The following GRIN2B variants were observed in gnomAD, a reference collection of about 807,000 sequenced individuals.
The protein encoded by GRIN2B is glutamate receptor ionotropic, NMDA 2B.
In GRIN2B, 5 loss-of-function variants were observed where a neutral mutation model predicts 114.5. That is an observed-to-expected ratio of 0.04 (90% CI 0.02 to 0.09). GRIN2B has a LOEUF of 0.09. GRIN2B is among the 10% of genes least tolerant of loss of function. The probability of loss-of-function intolerance (pLI) is 1.00; values close to 1 mark genes in which losing one functional copy is unlikely to be tolerated. For synonymous variants in GRIN2B, 787 were observed against 745.1 expected (o/e 1.06, Z -0.92); for missense variants, 1,108 against 1,943.5 (o/e 0.57, Z 8.08).
chr12:13,871,635 A>C (rs1465700234), intron 2 of GRIN2B, among the ~76,000 whole-genome samples: 3 of 151,974 alleles, frequency 2.0e-5, no homozygotes, highest in Non-Finnish European at 4.4e-5. Flanking sequence ...TAAACAAGAA[A>C]ATAACAAATG....
At chr12:13,752,835 T>A (rs1490414654) in intron 4 of GRIN2B, among the ~76,000 whole-genome samples, 1 of 152,206 alleles carries the variant, frequency 6.6e-6, no homozygotes, top group Non-Finnish European at 1.5e-5. Flanking sequence ...CTTACTACAA[T>A]ACGGCAACAT....
chr12:13,732,661 C>G (rs991010004), intron 4 of GRIN2B, among the ~76,000 whole-genome samples: 1 of 152,228 alleles, frequency 6.6e-6, no homozygotes. Context: ...CTAAACTCAA[C>G]TTCTTAAGTG....
rs920894653 is a variant in GRIN2B at position 13,542,420 on chromosome 12, T to C, written c.*20363A>G. ...TGGTCTCAATCCAGGATAACATTTG[T>C]TGACATCTATAAAAACATGTTGTGG... On this transcript the variant is annotated 3_prime_UTR_variant, in exon 14 of 14. Coordinates refer to ENST00000609686, the MANE Select transcript of GRIN2B (RefSeq NM_000834.5). 2.0e-5 allele frequency: 3 copies of C among 152,170 alleles called. No homozygotes were observed. Among genetic ancestry groups the C allele is most frequent in the African/African-American group, 7.2e-5 (3 of 41,418 alleles). The allele number at this position is 152,170 out of a possible 1,614,324, so 9.4% of individuals were successfully genotyped here. A position where few individuals can be genotyped will look rare whatever the true frequency, so the allele number is the denominator to read the frequency against.
Position 13,545,499 on chromosome 12 carries a change from A to C in GRIN2B, c.*17284T>G, listed in dbSNP as rs1948331380. On this transcript the variant is annotated 3_prime_UTR_variant, in exon 14 of 14. Transcript: ENST00000609686. ...TTTATCCAAAACATGCTCTGAAGCCACAGACCAAATATCCCCAAAATAAGA... is the reference window on the plus strand; with the variant it reads ...TTTATCCAAAACATGCTCTGAAGCCCCAGACCAAATATCCCCAAAATAAGA... 1 of 152,202 alleles carries C rather than the reference A, an allele frequency of 6.6e-6. No homozygotes were observed. Among genetic ancestry groups the C allele is most frequent in the Non-Finnish European group, 1.5e-5 (1 of 68,044 alleles). The allele number at this position is 152,202 out of a possible 1,614,324, so 9.4% of individuals were successfully genotyped here.
intron 3 of GRIN2B, among the ~76,000 whole-genome samples, chr12:13,770,666 AAGGT>A (rs1267157378): frequency 1.3e-5 from 2 of 152,156 alleles, no homozygotes; most frequent in Non-Finnish European, 2.9e-5. Context: ...TAATGGTCTA[AAGGT>A]ATTCTGTAAT....
chr12:13,714,653 C>G (rs2300254), intron 4 of GRIN2B, among the ~76,000 whole-genome samples: 9,880 of 151,832 alleles, frequency 0.065, 408 homozygotes, highest in East Asian at 0.18. Context: ...GTTACCCAGC[C>G]TTCCACCTAT....
rs150110616 is a variant in GRIN2B, at chr12:13,946,938, C to T, written c.-19+32990G>A. 7.2e-5 allele frequency among the ~76,000 whole-genome samples: 11 copies of T among 152,174 alleles called. No homozygotes were observed. The East Asian group carries it at 1.9e-3, about 27-fold the overall frequency. Reference sequence around the variant, plus strand: ...TATGTGACCCTTAGAAGTGTTTTCACCTTTGAGCGATGCATATAGTAAAAT... The same window carrying T: ...TATGTGACCCTTAGAAGTGTTTTCATCTTTGAGCGATGCATATAGTAAAAT... On this transcript the variant is annotated intron_variant, in intron 2 of 13. Transcript: ENST00000609686.
intron 4 of GRIN2B, among the ~76,000 whole-genome samples, chr12:13,686,506 T>C (rs1950175252): frequency 6.6e-6 from 1 of 152,146 alleles, no homozygotes; most frequent in African/African-American, 2.4e-5. Flanking sequence ...GATGTTTCCA[T>C]GGAAACATGC....
chr12:13,681,430 T>A (rs557859880), intron 4 of GRIN2B, among the ~76,000 whole-genome samples: 1 of 152,232 alleles, frequency 6.6e-6, no homozygotes, highest in African/African-American at 2.4e-5. Flanking sequence ...ATTTTCCTTC[T>A]CTAGCTATTA....
intron 9 of GRIN2B, 105 bp downstream of exon 9, chr12:13,611,619 AG>A (rs1274746830): frequency 2.6e-6 from 3 of 1,152,768 alleles, no homozygotes; most frequent in African/African-American, 3.0e-5. Flanking sequence ...GTTCCTTTTC[AG>A]AAATGGATAT....
intron 5 of GRIN2B, 94 bp downstream of exon 5, chr12:13,675,651 G>A: frequency 1.2e-6 from 1 of 808,154 alleles, no homozygotes; most frequent in Non-Finnish European, 2.2e-6. Flanking sequence ...ACAGGTCTAG[G>A]GACAAAAGCC....
chr12:13,970,957 A>G (rs1443186065), intron 2 of GRIN2B, among the ~76,000 whole-genome samples: 3 of 152,186 alleles, frequency 2.0e-5, no homozygotes, highest in African/African-American at 4.8e-5. Flanking sequence ...TAACAAGGTG[A>G]TGAGAGGAAG....
chr12:13,669,844 T>C (rs895556420), intron 5 of GRIN2B, among the ~76,000 whole-genome samples: 10 of 152,258 alleles, frequency 6.6e-5, no homozygotes, highest in African/African-American at 2.4e-4. Flanking sequence ...AACACTGATT[T>C]GATCATTGTG....
Position 13,753,522 on chromosome 12 carries a change from C to G in GRIN2B, c.805G>C (p.Val269Leu), listed in dbSNP as rs1391619613. The G allele has an allele frequency of 6.2e-7, 1 of 1,614,200 alleles. No individual in the cohort carries two copies. Among genetic ancestry groups the G allele is most frequent in the Non-Finnish European group, 8.5e-7 (1 of 1,180,036 alleles). Residue 269 changes from valine (V) to leucine (L), a missense_variant, in exon 4 of 14, where the codon GTG (valine) becomes CTG (leucine). By Grantham distance (32) the Val-to-Leu change is conservative. Coordinates refer to ENST00000609686, the MANE Select transcript of GRIN2B (RefSeq NM_000834.5). This position sits in a 1 kb window ranked among gnomAD's most constrained non-coding sequence, Gnocchi z 6.2. The stretch of plus-strand genomic sequence containing the variant: ...AGCCCAGTGGGGAACTCCGCAGGCA[C>G]TGTGTCTGTATCCCCTGCCACCAGA... ...PSLVAGDTDT[V>L]PAEFPTGLIS...
At chr12:13,743,470 T>A (rs952647484) in intron 4 of GRIN2B, among the ~76,000 whole-genome samples, 3 of 152,152 alleles carry the variant, frequency 2.0e-5, no homozygotes, top group Non-Finnish European at 4.4e-5. Flanking sequence ...CACACACACC[T>A]TGTCCTCTAT....
chr12:13,817,096 T>A (rs1367126746), intron 3 of GRIN2B, among the ~76,000 whole-genome samples: 1 of 152,164 alleles, frequency 6.6e-6, no homozygotes, highest in Non-Finnish European at 1.5e-5. Flanking sequence ...GATTTTTTTT[T>A]TTCTCAATTT....
At chr12:13,706,600 T>A (rs1950361904) in intron 4 of GRIN2B, among the ~76,000 whole-genome samples, 1 of 152,100 alleles carries the variant, frequency 6.6e-6, no homozygotes, top group Non-Finnish European at 1.5e-5. Flanking sequence ...CATTTCCTCC[T>A]GTAGCCTGAA....
At chr12:13,816,758 TTATG>T (rs1206148213) in intron 3 of GRIN2B, among the ~76,000 whole-genome samples, 3 of 152,238 alleles carry the variant, frequency 2.0e-5, no homozygotes, top group Non-Finnish European at 4.4e-5. Context: ...ATTATATGTG[TTATG>T]TGTGTGTACA....
chr12:13,817,248 G>A (rs1419092207), intron 3 of GRIN2B, among the ~76,000 whole-genome samples: 1 of 152,144 alleles, frequency 6.6e-6, no homozygotes, highest in Admixed American at 6.5e-5. Context: ...TCTCCAAGGG[G>A]GTAAATGACA....
Sources: gnomAD v4.1 joint callset for allele counts (sites outside exome capture counted in the v4.1 genomes callset) on GRCh38, gnomAD v4.1.1 for gene constraint, Gnocchi (gnomAD v3.1) non-coding constraint, MANE v1.5 for transcripts, NCBI Gene and HGNC (gene_info 2026-07-23, HGNC 2026-07-21) for gene names.